SUGCT: variants seen among roughly 807,000 people sequenced by gnomAD.
SUGCT encodes succinyl-CoA:glutarate CoA-transferase.
A neutral mutation model predicts 55.0 loss-of-function variants in SUGCT; 41 were observed. That is an observed-to-expected ratio of 0.74 (90% confidence interval 0.58 to 0.97). The LOEUF is 0.97. Ranked by LOEUF, SUGCT falls within the 50% of genes least tolerant of loss-of-function variation. SUGCT has a pLI of 0.00. For missense variants in SUGCT, 568 were observed against 547.8 expected, an observed-to-expected ratio of 1.04 and a Z score of -0.37; for synonymous variants, 187 against 200.4, an observed-to-expected ratio of 0.93 and a Z score of 0.56.
chr7:40,433,689 A>T (rs1034953956), intron 9 of SUGCT, among the ~76,000 whole-genome samples: 2 of 152,160 alleles, frequency 1.3e-5, no homozygotes, highest in African/African-American at 4.8e-5. Context: ...TGATGTATAG[A>T]GCTGCTTCTT....
chr7:40,245,398 A>C (rs1179888098), intron 7 of SUGCT, among the ~76,000 whole-genome samples: 1 of 87,426 alleles, frequency 1.1e-5, no homozygotes, highest in Non-Finnish European at 2.1e-5. Flanking sequence ...ATAGGTACGT[A>C]GTAGACATAT....
At chr7:40,389,565 T>C (rs894794174) in intron 9 of SUGCT, among the ~76,000 whole-genome samples, 2 of 152,238 alleles carry the variant, frequency 1.3e-5, no homozygotes, top group African/African-American at 4.8e-5. Context: ...TTCTAACTTA[T>C]TGGGGTCTTA....
At chr7:40,259,355 A>G (rs1367840950) in intron 7 of SUGCT, among the ~76,000 whole-genome samples, 1 of 152,178 alleles carries the variant, frequency 6.6e-6, no homozygotes, top group Non-Finnish European at 1.5e-5. Context: ...AGGGATACAT[A>G]TATACTGAGG....
chr7:40,650,159 C>T (rs1584206893), intron 12 of SUGCT, among the ~76,000 whole-genome samples: 2 of 152,170 alleles, frequency 1.3e-5, no homozygotes, highest in East Asian at 1.9e-4. Context: ...TTCCTTGCCA[C>T]GTGGGTATCT....
chr7:40,926,920 G>A, the SUGCT span, among the ~76,000 whole-genome samples: 1 of 152,192 alleles, frequency 6.6e-6, no homozygotes, highest in Non-Finnish European at 1.5e-5. Context: ...TAAATTCCAA[G>A]TTGTGAAGAC....
intron 12 of SUGCT, among the ~76,000 whole-genome samples, chr7:40,732,715 T>G (rs964128271): frequency 1.4e-4 from 22 of 152,246 alleles, no homozygotes; most frequent in African/African-American, 5.1e-4. Flanking sequence ...AGGAACCACT[T>G]TTCTGGTTGG....
At chr7:40,536,399 G>T (rs917023771) in intron 12 of SUGCT, among the ~76,000 whole-genome samples, 1 of 152,214 alleles carries the variant, frequency 6.6e-6, no homozygotes, top group East Asian at 1.9e-4. Flanking sequence ...TACGGGGACA[G>T]AAAATAGAAT....
chr7:40,562,676 T>A (rs768858371), intron 12 of SUGCT, among the ~76,000 whole-genome samples: 2 of 152,148 alleles, frequency 1.3e-5, no homozygotes, highest in Non-Finnish European at 1.5e-5. Flanking sequence ...GGGCCTGACC[T>A]AAATCGTTAC....
At chr7:40,737,155 A>G (rs1399984673) in intron 12 of SUGCT, among the ~76,000 whole-genome samples, 1 of 152,214 alleles carries the variant, frequency 6.6e-6, no homozygotes, top group African/African-American at 2.4e-5. Flanking sequence ...AGGGCAATGT[A>G]TATTGGACAC....
chr7:40,774,791 A>T (rs2128731663), intron 13 of SUGCT, among the ~76,000 whole-genome samples: 2 of 151,936 alleles, frequency 1.3e-5, no homozygotes, highest in Middle Eastern at 6.8e-3. Context: ...AAAAAAAAAA[A>T]ACCCACAAAT....
chr7:40,495,346 C>T lies in SUGCT; in HGVS notation c.987-938C>T, dbSNP rs1791913048. On this transcript the variant is annotated intron_variant, in intron 11 of 13. Coordinates refer to ENST00000335693, the MANE Select transcript of SUGCT (RefSeq NM_001193313.2). ...AACTGAAGGGAAGTCCATGAATACT[C>T]TACTATTGTTTCACTAGCCCTTTCA... Among the ~76,000 whole-genome samples the T allele has an allele frequency of 4.0e-5, 6 of 151,684 alleles. No homozygotes were observed. The South Asian group carries it at 1.0e-3, about 26-fold the overall frequency.
chr7:40,745,619 A>G (rs1019441539), intron 12 of SUGCT, among the ~76,000 whole-genome samples: 2 of 152,192 alleles, frequency 1.3e-5, no homozygotes. Context: ...TATTCTTGTC[A>G]AGAATAGGCT....
chr7:40,198,272 G>A (rs1786400751), intron 6 of SUGCT, among the ~76,000 whole-genome samples: 1 of 152,150 alleles, frequency 6.6e-6, no homozygotes, highest in Admixed American at 6.5e-5. Context: ...TAGCAGATGG[G>A]TTTAAAACTC....
At chr7:40,320,216 C>T (rs1795654197) in intron 9 of SUGCT, among the ~76,000 whole-genome samples, 1 of 151,740 alleles carries the variant, frequency 6.6e-6, no homozygotes, top group Non-Finnish European at 1.5e-5. Flanking sequence ...AAGCTATGCT[C>T]CTGCCTCAGC....
chr7:40,537,857 G>A (rs770884455), intron 12 of SUGCT, among the ~76,000 whole-genome samples: 30 of 152,166 alleles, frequency 2.0e-4, no homozygotes, highest in Non-Finnish European at 4.1e-4. Flanking sequence ...TACATTATGA[G>A]CAAGAGAATT....
chr7:40,751,166 G>A (rs1294671742), intron 13 of SUGCT, among the ~76,000 whole-genome samples: 3 of 152,256 alleles, frequency 2.0e-5, no homozygotes, highest in Middle Eastern at 3.4e-3. Flanking sequence ...GGGGCAAAAC[G>A]AATAGAGGAT....
chr7:40,912,434 A>G, the SUGCT span, among the ~76,000 whole-genome samples: 1 of 152,186 alleles, frequency 6.6e-6, no homozygotes, highest in Non-Finnish European at 1.5e-5. Context: ...ACCAATTATA[A>G]CATTGTTCCA....
the SUGCT span, among the ~76,000 whole-genome samples, chr7:40,946,850 T>A: frequency 6.6e-6 from 1 of 152,232 alleles, no homozygotes; most frequent in Non-Finnish European, 1.5e-5. Flanking sequence ...TGATGATATT[T>A]GTATTTCACG....
At chr7:40,344,331 C>T (rs112992266) in intron 9 of SUGCT, among the ~76,000 whole-genome samples, 1,637 of 152,142 alleles carry the variant, frequency 0.011, 22 homozygotes, top group African/African-American at 0.037. Flanking sequence ...CTTTTACTAC[C>T]GATCCTATCC....
Sources: allele counts gnomAD v4.1 joint callset (sites outside exome capture counted in the v4.1 genomes callset), GRCh38; gene constraint gnomAD v4.1.1; transcripts MANE v1.5; gene names NCBI Gene and HGNC (gene_info 2026-07-23, HGNC 2026-07-21).